Variants in ENO2 observed in about 807,000 individuals in gnomAD.
The protein encoded by ENO2 is gamma-enolase.
Under a neutral mutation model 48.7 loss-of-function variants are expected in ENO2, and 19 were observed. The ratio of observed to expected loss-of-function variants is 0.39; its 90% CI spans 0.27 to 0.57. The LOEUF is 0.57. Among genes scored for constraint, ENO2 ranks in the 20% least tolerant of loss-of-function variants. ENO2 has a pLI of 0.58. For missense variants in ENO2, 416 were observed against 555.0 expected, an observed-to-expected ratio of 0.75 and a Z score of 2.52; for synonymous variants, 198 against 213.4, an observed-to-expected ratio of 0.93 and a Z score of 0.63.
Position 6,916,818 on chromosome 12 carries a change from C to T in ENO2, c.240+89C>T. On this transcript the variant is annotated intron_variant, in intron 4 of 11. Coordinates refer to ENST00000229277, the MANE Select transcript of ENO2 (RefSeq NM_001975.3). The surrounding 1 kb of genome is among the most constrained non-coding windows in gnomAD (Gnocchi z 4.5). The stretch of plus-strand genomic sequence containing the variant: ...CAGGAGGAAGGGAAGAAAGAAGGCC[C>T]ACTCTTAGGAATCATGGTTACAAGG... 2 of 1,544,762 alleles carry T rather than the reference C, an allele frequency of 1.3e-6. No homozygotes were observed. The highest frequency in any genetic ancestry group is 3.5e-5 in the Admixed American group (2 of 57,098).
In ENO2 at chr12:6,918,021, G is replaced by A; in HGVS notation, c.526G>A (p.Glu176Lys). The A allele has an allele frequency of 6.2e-7, 1 of 1,614,168 alleles. No individual in the cohort carries two copies. The highest frequency in any genetic ancestry group is 1.1e-5 in the South Asian group (1 of 91,084). ...QEFMILPVGAESFRDAMRLGA... is the reference protein window; with the variant it reads ...QEFMILPVGAKSFRDAMRLGA... Reference sequence around the variant, plus strand: ...GTTCATGATCCTCCCAGTGGGAGCTGAGAGCTTTCGGGATGCCATGCGACT... The same window carrying A: ...GTTCATGATCCTCCCAGTGGGAGCTAAGAGCTTTCGGGATGCCATGCGACT... The change falls in exon 7 of 12, where the codon GAG becomes AAG. Residue 176 changes from glutamate (E) to lysine (K), a missense_variant. Transcript: ENST00000229277.
Position 6,917,947 on chromosome 12 carries a change from A to G in ENO2, c.452A>G (p.Asn151Ser), listed in dbSNP as rs782498445. ...CTTTCTGTGGCTCCCCAGGCCTTCA[A>G]CGTGATCAATGGTGGCTCTCATGCT... is the stretch of plus-strand genomic sequence containing the variant. The part of the protein sequence containing the change: ...SDLILPVPAF[N>S]VINGGSHAGN... The change falls in exon 7 of 12, where the codon AAC becomes AGC. Residue 151 changes from asparagine (N) to serine (S), a missense_variant. Transcript: ENST00000229277. 11 of 1,614,098 alleles carry G rather than the reference A, an allele frequency of 6.8e-6. No homozygotes were observed. Among genetic ancestry groups the G allele is most frequent in the African/African-American group, 2.7e-5 (2 of 75,024 alleles).
rs781792613 is a variant in ENO2 at position 6,922,937 on chromosome 12, T to G, written c.*137T>G. ...AACTTCCCTGATTGACCTGCTCCGC[T>G]GCTCCTTGGCTTACCTGACCTCTTG... On this transcript the variant is annotated 3_prime_UTR_variant, in exon 12 of 12. Transcript: ENST00000229277. This position sits in a 1 kb window ranked among gnomAD's most constrained non-coding sequence, Gnocchi z 5.3. The G allele has an allele frequency of 7.7e-5, 67 of 873,282 alleles. No homozygotes were observed. Among genetic ancestry groups the G allele is most frequent in the Non-Finnish European group, 1.1e-4 (62 of 546,552 alleles). The allele number at this position is 873,282 out of a possible 1,614,324, so 54.1% of individuals were successfully genotyped here.
Position 6,922,969 on chromosome 12 carries a change from C to T in ENO2, c.*169C>T. On this transcript the variant is annotated 3_prime_UTR_variant, in exon 12 of 12. Coordinates refer to ENST00000229277, the MANE Select transcript of ENO2 (RefSeq NM_001975.3). The surrounding 1 kb of genome is among the most constrained non-coding windows in gnomAD (Gnocchi z 5.3). ...TGGCTTACCTGACCTCTTGCTGTCT[C>T]TGCTCGCCCTCCTTTCTGTGCCCTA... 1 of 644,268 alleles carries T rather than the reference C, an allele frequency of 1.6e-6. No homozygotes were observed. The allele number at this position is 644,268 out of a possible 1,614,324, so 39.9% of individuals were successfully genotyped here. A position where few individuals can be genotyped will look rare whatever the true frequency, so the allele number is the denominator to read the frequency against.
intron 1 of ENO2, 114 bp from the exon 2 acceptor site, chr12:6,915,707 C>T (rs116038031): frequency 0.017 from 6,261 of 372,276 alleles, 389 homozygotes; most frequent in Admixed American, 0.11. Context: ...CACCCCCCAC[C>T]CACTGCAGTA....
intron 8 of ENO2, among the ~76,000 whole-genome samples, chr12:6,920,703 T>G: frequency 8.0e-6 from 1 of 125,248 alleles, no homozygotes; most frequent in Non-Finnish European, 1.7e-5. Context: ...CCTGGCTGGT[T>G]TGCTTTTAAT....
In ENO2 at chr12:6,919,548, A is replaced by C; in HGVS notation, c.668-18A>C. ...TCCCTCCTGCTTGTACTATAATCTC[A>C]CTGTATTCTGTCCCCAGCCTTGGAG... On this transcript the variant is annotated intron_variant, in intron 7 of 11. Coordinates refer to ENST00000229277, the MANE Select transcript of ENO2 (RefSeq NM_001975.3). The C allele has an allele frequency of 6.2e-7, 1 of 1,613,234 alleles. No homozygotes were observed. Among genetic ancestry groups the C allele is most frequent in the South Asian group, 1.1e-5 (1 of 91,030 alleles).
In ENO2 at chr12:6,922,803, C is replaced by T. The variant is rs1945353375; in HGVS notation, c.*3C>T. 1.9e-6 allele frequency: 3 copies of T among 1,613,726 alleles called. No individual in the cohort carries two copies. Among genetic ancestry groups the T allele is most frequent in the South Asian group, 1.1e-5 (1 of 91,076 alleles). On this transcript the variant is annotated 3_prime_UTR_variant, in exon 12 of 12. Transcript: ENST00000229277. This position sits in a 1 kb window ranked among gnomAD's most constrained non-coding sequence, Gnocchi z 5.3. ...TCCGTAATCCCAGTGTGCTGTGATT[C>T]CTCTGCTTGCCTGGAGACGTGGAAC...
At chr12:6,915,742 T>A in intron 1 of ENO2, 79 bp from the exon 2 acceptor site, 75 of 355,004 alleles carry the variant, frequency 2.1e-4, no homozygotes, top group East Asian at 6.7e-4. Context: ...CCTCCCAGCC[T>A]CCCGCCCCGC....
At chr12:6,919,537 AC>A (rs782118036) in intron 7 of ENO2, 28 bp from the exon 8 acceptor site, 2 of 1,612,872 alleles carry the variant, frequency 1.2e-6, no homozygotes, top group South Asian at 2.2e-5. Context: ...TCCTGCTTGT[AC>A]TATAATCTCA....
chr12:6,917,001 C>G, intron 4 of ENO2, 37 bp from the exon 5 acceptor site: 1 of 1,613,284 alleles, frequency 6.2e-7, no homozygotes, highest in Non-Finnish European at 8.5e-7. Flanking sequence ...GGCTCAGCCT[C>G]CAGCCTGGCC....
At chr12:6,920,770 T>C (rs1315700624) in intron 8 of ENO2, among the ~76,000 whole-genome samples, 3 of 139,514 alleles carry the variant, frequency 2.2e-5, no homozygotes, top group Non-Finnish European at 3.1e-5. Flanking sequence ...ATGTTGCTCA[T>C]GGCTGGTCTC....
chr12:6,915,776 T>A, intron 1 of ENO2, 45 bp from the exon 2 acceptor site: 28 of 1,133,628 alleles, frequency 2.5e-5, no homozygotes, highest in Non-Finnish European at 3.1e-5. Flanking sequence ...GCTCCACCCC[T>A]CTAAGCCTCT....
At chr12:6,918,907 G>A (rs1333266892) in intron 7 of ENO2, among the ~76,000 whole-genome samples, 3 of 151,012 alleles carry the variant, frequency 2.0e-5, no homozygotes, top group African/African-American at 7.3e-5. Flanking sequence ...GCTTGTACCC[G>A]GGAGGCGGAG....
chr12:6,917,038 G>A lies in ENO2; in HGVS notation c.241G>A (p.Gly81Ser). The change falls in exon 5 of 12, where the codon GGT becomes AGT. Residue 81 changes from glycine (G) to serine (S), a missense_variant and splice_region_variant. By Grantham distance (56) the Gly-to-Ser change is moderately conservative (BLOSUM62 0). Coordinates refer to ENST00000229277, the MANE Select transcript of ENO2 (RefSeq NM_001975.3). ...STIAPALISS[G>S]LSVVEQEKLD... is the part of the protein sequence containing the mutation. ...TGGGTGATGGAGGCTCTGCCCTCAG[G>A]GTCTCTCTGTGGTGGAGCAAGAGAA... The A allele has an allele frequency of 1.2e-6, 2 of 1,614,170 alleles. No homozygotes were observed. The highest frequency in any genetic ancestry group is 1.1e-5 in the South Asian group (1 of 91,076).
chr12:6,922,042 G>A lies in ENO2; in HGVS notation c.1068-14G>A. On this transcript the variant is annotated splice_polypyrimidine_tract_variant and intron_variant, in intron 9 of 11. Transcript: ENST00000229277. This position sits in a 1 kb window ranked among gnomAD's most constrained non-coding sequence, Gnocchi z 5.3. ...GTGTGAGAGCTGGAGAATCAGTGCT[G>A]TGTGTGGATACAGGTGCAAGCTGGC... 2 of 1,614,000 alleles carry A rather than the reference G, an allele frequency of 1.2e-6. No individual in the cohort carries two copies. Among genetic ancestry groups the A allele is most frequent in the South Asian group, 1.1e-5 (1 of 91,062 alleles).
Position 6,916,388 on chromosome 12 carries a change from C to T in ENO2, c.86-29C>T. The T allele has an allele frequency of 1.9e-5, 30 of 1,604,546 alleles. No homozygotes were observed. The highest frequency in any genetic ancestry group is 2.5e-5 in the Non-Finnish European group (29 of 1,174,722). On this transcript the variant is annotated intron_variant, in intron 2 of 11. Transcript: ENST00000229277. The surrounding 1 kb of genome is among the most constrained non-coding windows in gnomAD (Gnocchi z 4.5). ...CTCCCTGGCCCCTGTGTCCTCTTCA[C>T]TCCCTCTCATTCCATGTTCCTCCTT...
rs782624906 is a variant in ENO2 at position 6,916,726 on chromosome 12, C to T, written c.237C>T (p.Ser79=). The T allele has an allele frequency of 6.2e-7, 1 of 1,614,170 alleles. No homozygotes were observed. Among genetic ancestry groups the T allele is most frequent in the African/African-American group, 1.3e-5 (1 of 75,062 alleles). The change falls in exon 4 of 12, where the codon AGC becomes AGT. Residue 79 remains serine, a synonymous_variant. Transcript: ENST00000229277. This position sits in a 1 kb window ranked among gnomAD's most constrained non-coding sequence, Gnocchi z 4.5. ...CCACCATCGCGCCAGCCCTCATCAG[C>T]TCAGTGAGGCCTGCTCTTTGCTGGG... ...INSTIAPALI[S]SGLSVVEQEK...
In ENO2 at chr12:6,922,296, G is replaced by C. The variant is rs781835005; in HGVS notation, c.1177-48G>C. 13 of 1,613,530 alleles carry C rather than the reference G, an allele frequency of 8.1e-6. No individual in the cohort carries two copies. The highest frequency in any genetic ancestry group is 5.3e-5 in the African/African-American group (4 of 74,922). On this transcript the variant is annotated intron_variant, in intron 10 of 11. Transcript: ENST00000229277. This position sits in a 1 kb window ranked among gnomAD's most constrained non-coding sequence, Gnocchi z 5.3. ...TCAGGAGAGCAGAAGTTTCCTTTCAGGGGTGAGAGGGCAGTCACTGAGCTG... is the reference window on the plus strand; with the variant it reads ...TCAGGAGAGCAGAAGTTTCCTTTCACGGGTGAGAGGGCAGTCACTGAGCTG...
Sources: gnomAD v4.1 joint callset for allele counts (sites outside exome capture counted in the v4.1 genomes callset) on GRCh38, gnomAD v4.1.1 for gene constraint, Gnocchi (gnomAD v3.1) non-coding constraint, MANE v1.5 for transcripts, NCBI Gene and HGNC (gene_info 2026-07-23, HGNC 2026-07-21) for gene names.